Variants in IRAG2 observed in about 807,000 individuals in gnomAD.
IRAG2 encodes inositol 1,4,5-triphosphate receptor associated 2, also known as lymphoid restricted membrane protein.
In IRAG2, 45 loss-of-function variants were observed where a neutral mutation model predicts 69.9. The ratio of observed to expected loss-of-function variants is 0.64; its 90% confidence interval spans 0.51 to 0.83. The LOEUF (loss-of-function observed/expected upper bound fraction) is 0.83. IRAG2 is among the 40% of genes least tolerant of loss of function. The pLI, the probability that IRAG2 is intolerant of heterozygous loss-of-function variation, is 0.00. For synonymous variants in IRAG2, 193 were observed against 202.4 expected (o/e 0.95, Z 0.40); for missense variants, 520 against 587.0 (o/e 0.89, Z 1.18).
At chr12:25,100,989 A>C in intron 15 of IRAG2, 189 bp from the exon 16 acceptor site, 1 of 449,770 alleles carries the variant, frequency 2.2e-6, no homozygotes, top group Non-Finnish European at 3.9e-6. Flanking sequence ...CCTTCTATCC[A>C]GCTTTCAAAG....
chr12:25,032,662 G>A (rs976470442), intron 12 of IRAG2, among the ~76,000 whole-genome samples: 4 of 152,190 alleles, frequency 2.6e-5, no homozygotes, highest in Non-Finnish European at 5.9e-5. Flanking sequence ...GCAGGGTTGA[G>A]TTCTAGTGAG....
intron 14 of IRAG2, among the ~76,000 whole-genome samples, 182 bp downstream of exon 14, chr12:25,090,379 C>CAAA (rs56280849): frequency 1.4e-5 from 2 of 143,978 alleles, no homozygotes; most frequent in African/African-American, 2.6e-5. Context: ...CCATCTCTAC[C>CAAA]AAAAAAAAAA....
intron 5 of IRAG2, 146 bp downstream of exon 5, chr12:25,066,658 T>A (rs1179832486): frequency 7.6e-6 from 3 of 392,992 alleles, no homozygotes; most frequent in East Asian, 7.2e-5. Flanking sequence ...TTACAATTTC[T>A]TTCTTTCTTT....
chr12:25,003,565 T>A (rs1944408515), upstream of IRAG2, among the ~76,000 whole-genome samples: 1 of 152,144 alleles, frequency 6.6e-6, no homozygotes, highest in Non-Finnish European at 1.5e-5. Context: ...ATTTCCAAAT[T>A]TCTGAATTAC....
intron 15 of IRAG2, among the ~76,000 whole-genome samples, chr12:25,099,477 A>T (rs886315243): frequency 3.9e-5 from 6 of 152,104 alleles, no homozygotes; most frequent in African/African-American, 7.2e-5. Flanking sequence ...TTCCCTTTCT[A>T]CTGTTACCAT....
At chr12:25,038,330 C>T (rs936219283) in intron 16 of IRAG2, among the ~76,000 whole-genome samples, 2 of 152,086 alleles carry the variant, frequency 1.3e-5, no homozygotes, top group Non-Finnish European at 2.9e-5. Flanking sequence ...TTCAAAATTG[C>T]AAATGACGAA....
At chr12:25,008,812 T>C (rs1013623500) in intron 2 of IRAG2, among the ~76,000 whole-genome samples, 8 of 152,160 alleles carry the variant, frequency 5.3e-5, no homozygotes, top group Non-Finnish European at 1.2e-4. Context: ...TCATCCTTTT[T>C]TTTAAAAAAG....
At chr12:25,011,572 A>G in intron 3 of IRAG2, 1 of 1,213,770 alleles carries the variant, frequency 8.2e-7, no homozygotes, top group Non-Finnish European at 1.0e-6. Flanking sequence ...TCCTAGTGGG[A>G]TGCAGTTTAA....
intron 16 of IRAG2, among the ~76,000 whole-genome samples, chr12:25,042,115 A>G (rs1427992862): frequency 6.6e-6 from 1 of 152,126 alleles, no homozygotes; most frequent in Non-Finnish European, 1.5e-5. Flanking sequence ...TCAGGGTAAT[A>G]GTCATGGAAG....
chr12:25,080,312 T>TA (rs111646546), intron 9 of IRAG2, among the ~76,000 whole-genome samples: 5,552 of 149,184 alleles, frequency 0.037, 312 homozygotes, highest in African/African-American at 0.12. Flanking sequence ...CTAATTCCCA[T>TA]AAAAAAAAAT....
upstream of IRAG2, among the ~76,000 whole-genome samples, chr12:25,051,434 C>G (rs1194090865): frequency 6.6e-6 from 1 of 152,140 alleles, no homozygotes; most frequent in Non-Finnish European, 1.5e-5. Context: ...TTGCAACTCC[C>G]GACATTTATC....
rs145199855 is a variant in IRAG2 at position 25,083,378 on chromosome 12, G to T, written c.245-45G>T. 138 of 1,221,580 alleles carry T rather than the reference G, an allele frequency of 1.1e-4. 1 individual carries two copies. The African/African-American group carries it at 1.9e-3, about 16-fold the overall frequency. 75.7% of individuals were successfully genotyped at this position (1,221,580 alleles called of 1,614,324 possible). ...CTCACTGTTTCCTCCTCTTTTACTT[G>T]CTCCTGCCCCCCTAACTGCTTTGTG... On this transcript the variant is annotated intron_variant, in intron 9 of 21. Coordinates refer to ENST00000556887, the MANE Select transcript of IRAG2 (RefSeq NM_001366544.2).
At chr12:25,052,484 C>T, upstream of IRAG2, 1 of 397,016 alleles carries the variant, frequency 2.5e-6, no homozygotes, top group Non-Finnish European at 4.4e-6. Flanking sequence ...AGTTCAGTCC[C>T]TAGCGACTAA....
intron 1 of IRAG2, chr12:25,005,225 C>G (rs985609916): frequency 9.5e-6 from 11 of 1,155,116 alleles, no homozygotes; most frequent in Middle Eastern, 3.2e-4. Context: ...GATTTACAAA[C>G]TTTTTCTTCT....
At chr12:25,035,010 A>C (rs2139852227) in intron 13 of IRAG2, among the ~76,000 whole-genome samples, 1 of 152,344 alleles carries the variant, frequency 6.6e-6, no homozygotes, top group Non-Finnish European at 1.5e-5. Context: ...CTGAGATAAT[A>C]ATGATGTCAA....
At chr12:25,091,627 GA>G (rs1426327565) in intron 14 of IRAG2, among the ~76,000 whole-genome samples, 2 of 150,776 alleles carry the variant, frequency 1.3e-5, no homozygotes, top group African/African-American at 4.9e-5. Context: ...CTAGACTCAG[GA>G]GTGGGCTTGC....
intron 5 of IRAG2, chr12:25,017,040 A>C: frequency 1.0e-6 from 1 of 1,000,246 alleles, no homozygotes; most frequent in African/African-American, 1.7e-5. Context: ...AACTCACCAG[A>C]ATATCAAAGT....
chr12:25,097,230 AAAT>A (rs1317913724), intron 15 of IRAG2, among the ~76,000 whole-genome samples, 186 bp downstream of exon 15: 1 of 85,176 alleles, frequency 1.2e-5, no homozygotes, highest in African/African-American at 6.2e-5. Flanking sequence ...AATGTTAAAA[AAAT>A]ATAATACGAT....
chr12:24,999,459 A>G (rs559960014), upstream of IRAG2, among the ~76,000 whole-genome samples: 169 of 152,358 alleles, frequency 1.1e-3, 2 homozygotes, highest in African/African-American at 3.8e-3. Context: ...GGGACTCAGA[A>G]TCTATAAGCC....
Sources: gnomAD v4.1 joint callset for allele counts (sites outside exome capture counted in the v4.1 genomes callset) on GRCh38, gnomAD v4.1.1 for gene constraint, MANE v1.5 for transcripts, NCBI Gene and HGNC (gene_info 2026-07-23, HGNC 2026-07-21) for gene names.